ZBTB47: variants seen among roughly 807,000 people sequenced by gnomAD.
ZBTB47 encodes the protein zinc finger and BTB domain-containing protein 47.
In ZBTB47, 24 loss-of-function variants were observed where a neutral mutation model predicts 56.6. That is an observed-to-expected ratio of 0.42 (90% CI 0.31 to 0.60). ZBTB47 has a LOEUF of 0.60. ZBTB47 is among the 20% of genes least tolerant of loss of function. ZBTB47 has a pLI of 0.14. For synonymous variants in ZBTB47, 414 were observed against 418.9 expected (o/e 0.99, Z 0.14); for missense variants, 829 against 1,032.6 (o/e 0.80, Z 2.70).
At position 42,664,514 on chromosome 3, in the gene ZBTB47, G is replaced by GGCCCCCCCCC; in HGVS notation, c.2160_2161insGCCCCCCCCC (p.Pro721AlafsTer110). ...TGCTCCCGGGGCTGCCCCAGACCCT[G>GGCCCCCCCCC]CCGCCCCCGCCCCACCTGCCGCCCC... On this transcript the variant is annotated frameshift_variant, in exon 6 of 6. Transcript: ENST00000232974. LOFTEE classifies it low-confidence loss of function (END_TRUNC). The GGCCCCCCCCC allele has an allele frequency of 7.2e-7, 1 of 1,379,842 alleles. No individual in the cohort carries two copies. The highest frequency in any genetic ancestry group is 9.3e-7 in the Non-Finnish European group (1 of 1,069,832). The allele number at this position is 1,379,842 out of a possible 1,614,324, so 85.5% of individuals were successfully genotyped here. A position where few individuals can be genotyped will look rare whatever the true frequency, so the allele number is the denominator to read the frequency against.
rs1217672061 is a variant in ZBTB47 at position 42,666,217 on chromosome 3, T to C, written c.*1619T>C. Among the ~76,000 whole-genome samples the C allele has an allele frequency of 6.6e-6, 1 of 152,230 alleles. No individual in the cohort carries two copies. The highest frequency in any genetic ancestry group is 2.4e-5 in the African/African-American group (1 of 41,462). Reference sequence around the variant, plus strand: ...ATTTATAATCCAAGCCACACCACCCTGGTTGTTCTCTGGGCTTGGAGGGTA... The same window carrying C: ...ATTTATAATCCAAGCCACACCACCCCGGTTGTTCTCTGGGCTTGGAGGGTA... On this transcript the variant is annotated 3_prime_UTR_variant, in exon 6 of 6. Transcript: ENST00000232974.
chr3:42,664,909 G>C lies in ZBTB47; in HGVS notation c.*311G>C, dbSNP rs1261435205. The C allele has an allele frequency of 4.4e-6, 1 of 228,600 alleles. No homozygotes were observed. The highest frequency in any genetic ancestry group is 2.3e-5 in the African/African-American group (1 of 43,960). 14.2% of individuals were successfully genotyped at this position (228,600 alleles called of 1,614,324 possible). A position where few individuals can be genotyped will look rare whatever the true frequency, so the allele number is the denominator to read the frequency against. Reference sequence around the variant, plus strand: ...ACAGCACTCCCCTCCAGGTGAGGGGGGTGCTGGGGGTCTGCAGCAGAAAGA... The same window carrying C: ...ACAGCACTCCCCTCCAGGTGAGGGGCGTGCTGGGGGTCTGCAGCAGAAAGA... On this transcript the variant is annotated 3_prime_UTR_variant, in exon 6 of 6. Coordinates refer to ENST00000232974, the MANE Select transcript of ZBTB47 (RefSeq NM_145166.4).
At chr3:42,657,983 C>T (rs58645732) in intron 1 of ZBTB47, among the ~76,000 whole-genome samples, 11,815 of 152,224 alleles carry the variant, frequency 0.078, 489 homozygotes, top group South Asian at 0.13. Flanking sequence ...CCTTTCCTTC[C>T]CTTTCCCTTC....
At chr3:42,655,003 G>T (rs1046209407) in intron 1 of ZBTB47, among the ~76,000 whole-genome samples, 30 of 152,206 alleles carry the variant, frequency 2.0e-4, no homozygotes, top group African/African-American at 6.3e-4. Context: ...GTAATGGGGG[G>T]AAGAGGGAGT....
Position 42,658,671 on chromosome 3 carries a change from C to A in ZBTB47, c.316C>A (p.Gln106Lys). Residue 106 changes from glutamine to lysine, a missense_variant, in exon 2 of 6, where the codon CAA becomes AAA. Transcript: ENST00000232974. ...LQMADIAASC[Q>K]ELLDARSLGP... Reference sequence around the variant, plus strand: ...GATGGCTGACATCGCTGCGTCCTGCCAAGAGCTGCTGGACGCCCGCTCTCT... The same window carrying A: ...GATGGCTGACATCGCTGCGTCCTGCAAAGAGCTGCTGGACGCCCGCTCTCT... The A allele has an allele frequency of 6.5e-7, 1 of 1,536,516 alleles. No homozygotes were observed.
intron 1 of ZBTB47, among the ~76,000 whole-genome samples, chr3:42,657,010 G>A (rs1483689959): frequency 6.6e-5 from 10 of 152,234 alleles, no homozygotes; most frequent in Non-Finnish European, 2.9e-5. Context: ...GCCCTGAGGA[G>A]AGCCAGAACT....
In ZBTB47 at chr3:42,664,769, G is replaced by A; in HGVS notation, c.*171G>A. The A allele has an allele frequency of 1.4e-6, 1 of 720,368 alleles. No individual in the cohort carries two copies. The allele number at this position is 720,368 out of a possible 1,614,324, so 44.6% of individuals were successfully genotyped here. ...CCCGACGAGGAGGGGTATGCAGGCTGGCAGGCCCCAGAGCTGGTGGAGGGC... is the reference window on the plus strand; with the variant it reads ...CCCGACGAGGAGGGGTATGCAGGCTAGCAGGCCCCAGAGCTGGTGGAGGGC... On this transcript the variant is annotated 3_prime_UTR_variant, in exon 6 of 6. Transcript: ENST00000232974.
rs1255553878 is a variant in ZBTB47, at chr3:42,654,839, C to T, written c.-82+956C>T. ...TCTCCCGGCTCCATCTGCTGGGTCC[C>T]GCGGGCCGGGAATGCGGCGCTGTGG... On this transcript the variant is annotated intron_variant, in intron 1 of 5. Coordinates refer to ENST00000232974, the MANE Select transcript of ZBTB47 (RefSeq NM_145166.4). The surrounding 1 kb of genome is among the most constrained non-coding windows in gnomAD (Gnocchi z 5.0). 2.3e-6 allele frequency: 1 copy of T among 435,848 alleles called. No individual in the cohort carries two copies. The highest frequency in any genetic ancestry group is 3.1e-6 in the Non-Finnish European group (1 of 327,756). The allele number at this position is 435,848 out of a possible 1,614,324, so 27.0% of individuals were successfully genotyped here.
intron 2 of ZBTB47, 141 bp downstream of exon 2, chr3:42,659,969 GC>G: frequency 7.9e-7 from 1 of 1,264,240 alleles, no homozygotes; most frequent in Non-Finnish European, 1.1e-6. Context: ...AGACAGGCTG[GC>G]CCAGGCCCAG....
At chr3:42,662,623 T>C (rs1011911191) in intron 3 of ZBTB47, among the ~76,000 whole-genome samples, 5 of 152,148 alleles carry the variant, frequency 3.3e-5, no homozygotes, top group African/African-American at 4.8e-5. Flanking sequence ...AGTCCCTTTT[T>C]ATAGGAGAGG....
rs1466132394 is a variant in ZBTB47 at position 42,666,102 on chromosome 3, AG to A, written c.*1507del. Among the ~76,000 whole-genome samples the A allele has an allele frequency of 6.6e-6, 1 of 152,228 alleles. No individual in the cohort carries two copies. The highest frequency in any genetic ancestry group is 1.5e-5 in the Non-Finnish European group (1 of 68,032). On this transcript the variant is annotated 3_prime_UTR_variant, in exon 6 of 6. Transcript: ENST00000232974. Reference sequence around the variant, plus strand: ...CTTATGAGGCCCATGGCACTGGGGCAGGGAGCTGGGGACATTTTAATCATCA... The same window carrying A: ...CTTATGAGGCCCATGGCACTGGGGCAGGAGCTGGGGACATTTTAATCATCA...
At position 42,654,481 on chromosome 3, in the gene ZBTB47, C is replaced by G. The variant is rs902933302; in HGVS notation, c.-82+598C>G. The G allele has an allele frequency of 6.4e-6, 1 of 155,320 alleles. No homozygotes were observed. Among genetic ancestry groups the G allele is most frequent in the Admixed American group, 6.7e-5 (1 of 15,018 alleles). The allele number at this position is 155,320 out of a possible 1,614,324, so 9.6% of individuals were successfully genotyped here. A position where few individuals can be genotyped will look rare whatever the true frequency, so the allele number is the denominator to read the frequency against. On this transcript the variant is annotated intron_variant, in intron 1 of 5. Coordinates refer to ENST00000232974, the MANE Select transcript of ZBTB47 (RefSeq NM_145166.4). The surrounding 1 kb of genome is among the most constrained non-coding windows in gnomAD (Gnocchi z 5.0). Reference sequence around the variant, plus strand: ...ATCGGCGCCCCGCGCCCCCCGCCCGCCGCGCCCGAGGCTCTGGGGCCGCAG... The same window carrying G: ...ATCGGCGCCCCGCGCCCCCCGCCCGGCGCGCCCGAGGCTCTGGGGCCGCAG...
chr3:42,653,811 T>C lies in ZBTB47; in HGVS notation c.-154T>C, dbSNP rs755072039. 2.0e-5 allele frequency: 3 copies of C among 152,498 alleles called. No homozygotes were observed. The highest frequency in any genetic ancestry group is 4.4e-5 in the Non-Finnish European group (3 of 68,274). The allele number at this position is 152,498 out of a possible 1,614,324, so 9.4% of individuals were successfully genotyped here. A position where few individuals can be genotyped will look rare whatever the true frequency, so the allele number is the denominator to read the frequency against. Reference sequence around the variant, plus strand: ...CCTGGGCCAGTCACCTTAGATGATTTGATCGCTGCGGTTGTAGTCCTGGGA... The same window carrying C: ...CCTGGGCCAGTCACCTTAGATGATTCGATCGCTGCGGTTGTAGTCCTGGGA... On this transcript the variant is annotated 5_prime_UTR_variant, in exon 1 of 6. An upstream open reading frame in the 5' UTR loses its in-frame stop. Coordinates refer to ENST00000232974, the MANE Select transcript of ZBTB47 (RefSeq NM_145166.4).
chr3:42,654,805 C>T lies in ZBTB47; in HGVS notation c.-82+922C>T. 1 of 615,980 alleles carries T rather than the reference C, an allele frequency of 1.6e-6. No homozygotes were observed. Among genetic ancestry groups the T allele is most frequent in the Non-Finnish European group, 2.0e-6 (1 of 491,874 alleles). The allele number at this position is 615,980 out of a possible 1,614,324, so 38.2% of individuals were successfully genotyped here. ...GGAGGGGCTGGAGGGATCTTCCCCC[C>T]TCCCCCGGTCTCCCGGCTCCATCTG... On this transcript the variant is annotated intron_variant, in intron 1 of 5. Transcript: ENST00000232974. This position sits in a 1 kb window ranked among gnomAD's most constrained non-coding sequence, Gnocchi z 5.0.
intron 1 of ZBTB47, 47 bp downstream of exon 1, chr3:42,653,930 A>G (rs2125834972): frequency 6.6e-6 from 1 of 152,666 alleles, no homozygotes; most frequent in Non-Finnish European, 1.5e-5. Context: ...ACAGAGCAAA[A>G]TGAGCCCTGC....
At chr3:42,657,718 G>A (rs1340192058) in intron 1 of ZBTB47, among the ~76,000 whole-genome samples, 2 of 152,200 alleles carry the variant, frequency 1.3e-5, no homozygotes, top group African/African-American at 2.4e-5. Context: ...AGTGAGCAGT[G>A]AGCCCGGCTT....
In ZBTB47 at chr3:42,663,940, A is replaced by G; in HGVS notation, c.1881A>G (p.Thr627=). ...QYFDEHMKTH[T]GEKPYICEIC... is the part of the protein sequence containing the mutation. ...TCGATGAGCACATGAAGACCCACACAGGTGCGGCTGCCCCTGGGGACGGAG... is the reference window on the plus strand; with the variant it reads ...TCGATGAGCACATGAAGACCCACACGGGTGCGGCTGCCCCTGGGGACGGAG... Residue 627 remains threonine (T), a splice_region_variant and synonymous_variant, in exon 5 of 6, where the codon ACA becomes ACG. Transcript: ENST00000232974. The surrounding 1 kb of genome is among the most constrained non-coding windows in gnomAD (Gnocchi z 5.1). 6.2e-7 allele frequency: 1 copy of G among 1,609,474 alleles called. No homozygotes were observed. The highest frequency in any genetic ancestry group is 8.5e-7 in the Non-Finnish European group (1 of 1,177,156).
rs759068411 is a variant in ZBTB47, at chr3:42,658,740, G to T, written c.385G>T (p.Ala129Ser). Residue 129 changes from alanine to serine, a missense_variant, in exon 2 of 6, where the codon GCC (alanine) becomes TCC (serine). By Grantham distance (99) the Ala-to-Ser change is moderately conservative. Coordinates refer to ENST00000232974, the MANE Select transcript of ZBTB47 (RefSeq NM_145166.4). ...PGTVALAQPAASCTPAAPPYY... is the reference protein window; with the variant it reads ...PGTVALAQPASSCTPAAPPYY... Reference sequence around the variant, plus strand: ...CACTGTGGCCCTGGCCCAGCCGGCTGCCAGCTGCACTCCAGCTGCGCCGCC... The same window carrying T: ...CACTGTGGCCCTGGCCCAGCCGGCTTCCAGCTGCACTCCAGCTGCGCCGCC... 1 of 1,532,332 alleles carries T rather than the reference G, an allele frequency of 6.5e-7. No individual in the cohort carries two copies. The highest frequency in any genetic ancestry group is 1.4e-5 in the African/African-American group (1 of 73,004). The allele number at this position is 1,532,332 out of a possible 1,614,324, so 94.9% of individuals were successfully genotyped here. A position where few individuals can be genotyped will look rare whatever the true frequency, so the allele number is the denominator to read the frequency against.
Position 42,663,692 on chromosome 3 carries a change from T to C in ZBTB47, c.1738-105T>C. 2 of 1,442,528 alleles carry C rather than the reference T, an allele frequency of 1.4e-6. No individual in the cohort carries two copies. Among genetic ancestry groups the C allele is most frequent in the Non-Finnish European group, 1.9e-6 (2 of 1,061,954 alleles). 89.4% of individuals were successfully genotyped at this position (1,442,528 alleles called of 1,614,324 possible). A position where few individuals can be genotyped will look rare whatever the true frequency, so the allele number is the denominator to read the frequency against. ...CCCCATCTCCTTGCCCAGGAGCCCCTGAGTGTGTCCCTCCTTGGCCCTGTG... is the reference window on the plus strand; with the variant it reads ...CCCCATCTCCTTGCCCAGGAGCCCCCGAGTGTGTCCCTCCTTGGCCCTGTG... On this transcript the variant is annotated intron_variant, in intron 4 of 5. Coordinates refer to ENST00000232974, the MANE Select transcript of ZBTB47 (RefSeq NM_145166.4). The surrounding 1 kb of genome is among the most constrained non-coding windows in gnomAD (Gnocchi z 5.1).
Sources: gnomAD v4.1 joint callset for allele counts (sites outside exome capture counted in the v4.1 genomes callset) on GRCh38, gnomAD v4.1.1 for gene constraint, Gnocchi (gnomAD v3.1) non-coding constraint, MANE v1.5 for transcripts, NCBI Gene and HGNC (gene_info 2026-07-23, HGNC 2026-07-21) for gene names.